The following PMS1 variants were observed in gnomAD, a reference collection of about 807,000 sequenced individuals.
PMS1 encodes the protein PMS1 homolog 1, mismatch repair system component, also known as PMS1 protein homolog 1.
Under a neutral mutation model 93.1 loss-of-function variants are expected in PMS1, and 79 were observed. The observed-to-expected ratio is 0.85, with a 90% CI of 0.71 to 1.02. The LOEUF (loss-of-function observed/expected upper bound fraction) is 1.02, where lower values mean the gene tolerates loss of function less well. PMS1 is among the 50% of genes least tolerant of loss of function. The pLI is 0.00. For missense variants in PMS1, 1,064 were observed against 1,085.3 expected, an observed-to-expected ratio of 0.98 and a Z score of 0.28; for synonymous variants, 335 against 363.4, an observed-to-expected ratio of 0.92 and a Z score of 0.89.
At position 189,799,795 on chromosome 2, in the gene PMS1, G is replaced by C. The variant is rs574930143; in HGVS notation, c.315+3844G>C. ...ACAGCTGCCTTACCCAAGTCATGCAGGGCAACCTGCATCCAATGAATCCAG... is the reference window on the plus strand; with the variant it reads ...ACAGCTGCCTTACCCAAGTCATGCACGGCAACCTGCATCCAATGAATCCAG... On this transcript the variant is annotated intron_variant, in intron 3 of 12. Transcript: ENST00000441310. Among the ~76,000 whole-genome samples, 11 of 152,294 alleles carry C rather than the reference G, an allele frequency of 7.2e-5. No individual in the cohort carries two copies. The South Asian group carries it at 2.3e-3, about 32-fold the overall frequency.
At chr2:189,809,712 G>T (rs571493585) in intron 4 of PMS1, among the ~76,000 whole-genome samples, 5 of 151,908 alleles carry the variant, frequency 3.3e-5, no homozygotes, top group Non-Finnish European at 7.4e-5. Flanking sequence ...AGGCATGGGG[G>T]CGGGCACCTG....
Position 189,812,472 on chromosome 2 carries a change from A to G in PMS1, c.419-5545A>G, listed in dbSNP as rs566557237. Among the ~76,000 whole-genome samples the G allele has an allele frequency of 2.4e-3, 362 of 152,358 alleles. 2 individuals carry two copies. The highest frequency in any genetic ancestry group is 0.01 in the Middle Eastern group (3 of 294). On this transcript the variant is annotated intron_variant, in intron 4 of 12. Coordinates refer to ENST00000441310, the MANE Select transcript of PMS1 (RefSeq NM_000534.5). ...TTTTAAGCTGAAGGAAAATGATTCT[A>G]CATGGCAACCTGAATCTGCAAGAAG...
At chr2:189,844,505 G>A (rs754755661) in intron 6 of PMS1, among the ~76,000 whole-genome samples, 3 of 151,902 alleles carry the variant, frequency 2.0e-5, no homozygotes, top group Non-Finnish European at 4.4e-5. Flanking sequence ...TTAGCCAGGT[G>A]TGGTGGCACA....
chr2:189,806,763 A>C (rs2050384095), intron 4 of PMS1: 1 of 199,222 alleles, frequency 5.0e-6, no homozygotes, highest in South Asian at 1.9e-4. Flanking sequence ...TTTAGGCTTC[A>C]GTTTCACATA....
At chr2:189,791,468 A>G (rs1356929044) in intron 1 of PMS1, among the ~76,000 whole-genome samples, 1 of 152,036 alleles carries the variant, frequency 6.6e-6, no homozygotes, top group East Asian at 1.9e-4. Flanking sequence ...AAAAATGTAA[A>G]AATTAGCCAG....
chr2:189,801,433 T>C (rs1204316980), intron 3 of PMS1, among the ~76,000 whole-genome samples: 1 of 152,216 alleles, frequency 6.6e-6, no homozygotes, highest in East Asian at 1.9e-4. Context: ...CTTGACCGTC[T>C]CATAAAAATT....
At chr2:189,800,085 T>C (rs1394238382) in intron 3 of PMS1, among the ~76,000 whole-genome samples, 2 of 152,194 alleles carry the variant, frequency 1.3e-5, no homozygotes, top group Admixed American at 1.3e-4. Flanking sequence ...ACTCAAGTAA[T>C]GTTCATTGTC....
intron 11 of PMS1, among the ~76,000 whole-genome samples, chr2:189,870,828 C>G (rs1391103130): frequency 6.6e-6 from 1 of 152,154 alleles, no homozygotes; most frequent in African/African-American, 2.4e-5. Flanking sequence ...CTACCACACA[C>G]AGTTTTGAGT....
chr2:189,803,998 C>T (rs1271651419), intron 3 of PMS1, among the ~76,000 whole-genome samples: 1 of 152,134 alleles, frequency 6.6e-6, no homozygotes, highest in Non-Finnish European at 1.5e-5. Context: ...AAAGGATGAG[C>T]AAATTAATAT....
chr2:189,857,034 A>G (rs1024571962), intron 9 of PMS1, among the ~76,000 whole-genome samples: 1 of 152,100 alleles, frequency 6.6e-6, no homozygotes, highest in African/African-American at 2.4e-5. Flanking sequence ...TTCTAATCAC[A>G]GTTCTTTGTT....
chr2:189,806,070 A>C (rs868403989), intron 4 of PMS1: 2 of 604,736 alleles, frequency 3.3e-6, no homozygotes, highest in Middle Eastern at 4.7e-4. Context: ...GAAGATTAAA[A>C]TTTTATTGAA....
Position 189,852,770 on chromosome 2 carries a change from T to C in PMS1, c.815T>C (p.Ile272Thr), listed in dbSNP as rs767306276. The C allele has an allele frequency of 1.3e-5, 20 of 1,584,452 alleles. No homozygotes were observed. In the South Asian group the frequency reaches 1.3e-4, roughly 11 times the overall value. Residue 272 changes from isoleucine to threonine, a missense_variant, in exon 7 of 13, where the codon ATC (isoleucine) becomes ACC (threonine). Ile to Thr is a moderately conservative substitution (Grantham distance 89). Transcript: ENST00000441310. ...AGTCGACCAGTACATCAAAAAGATA[T>C]CTTAAAGGTAGTATGCTTTAGAAAA... Reference protein sequence around the residue: ...INSRPVHQKDILKLIRHHYNL... With the variant: ...INSRPVHQKDTLKLIRHHYNL...
chr2:189,796,450 A>T (rs1463731527), intron 3 of PMS1, among the ~76,000 whole-genome samples: 4 of 152,198 alleles, frequency 2.6e-5, no homozygotes, highest in African/African-American at 9.6e-5. Context: ...CTACAGTCAC[A>T]TTGTCGTGTA....
In PMS1 at chr2:189,838,563, A is replaced by G. The variant is rs535900321; in HGVS notation, c.583-5401A>G. On this transcript the variant is annotated intron_variant, in intron 5 of 12. Coordinates refer to ENST00000441310, the MANE Select transcript of PMS1 (RefSeq NM_000534.5). ...TTCCCAGGTCAGAAATCTGGGAGGC[A>G]TTCTTGATTCTTCTCTTTTTATTCC... 9.9e-5 allele frequency among the ~76,000 whole-genome samples: 15 copies of G among 152,172 alleles called. 1 individual carries two copies. The highest frequency in any genetic ancestry group is 3.4e-3 in the Middle Eastern group (1 of 294).
intron 5 of PMS1, among the ~76,000 whole-genome samples, chr2:189,834,844 C>T (rs2053250294): frequency 6.6e-6 from 1 of 152,026 alleles, no homozygotes; most frequent in Non-Finnish European, 1.5e-5. Flanking sequence ...ATCCTCCTAC[C>T]TCAGCCTTCT....
rs567578399 is a variant in PMS1 at position 189,805,353 on chromosome 2, A to G, written c.316-299A>G. 3.3e-5 allele frequency among the ~76,000 whole-genome samples: 5 copies of G among 152,300 alleles called. No homozygotes were observed. In the South Asian group the frequency reaches 1.0e-3, roughly 32 times the overall value. On this transcript the variant is annotated intron_variant, in intron 3 of 12. Coordinates refer to ENST00000441310, the MANE Select transcript of PMS1 (RefSeq NM_000534.5). The stretch of plus-strand genomic sequence containing the variant: ...ACAGTTGAAGTACTTGCTTTTACAG[A>G]CATAAGTCATATAATGCATATAATA...
chr2:189,856,473 C>G (rs1027387377), intron 9 of PMS1, among the ~76,000 whole-genome samples: 11 of 151,966 alleles, frequency 7.2e-5, no homozygotes. Flanking sequence ...ACTCAGTGTT[C>G]AAATTTATAA....
chr2:189,799,287 T>G (rs1183651557), intron 3 of PMS1, among the ~76,000 whole-genome samples: 4 of 152,212 alleles, frequency 2.6e-5, no homozygotes, highest in Admixed American at 6.5e-5. Context: ...TGGAGTTTCC[T>G]TTCTTACAAG....
chr2:189,828,887 GAA>G (rs35103661), intron 5 of PMS1, among the ~76,000 whole-genome samples: 9 of 117,832 alleles, frequency 7.6e-5, no homozygotes, highest in Admixed American at 4.4e-4. Flanking sequence ...GTGTGTCTCT[GAA>G]AAAAAAAAAA....
Sources: allele counts gnomAD v4.1 joint callset (sites outside exome capture counted in the v4.1 genomes callset), GRCh38; gene constraint gnomAD v4.1.1; transcripts MANE v1.5; gene names NCBI Gene and HGNC (gene_info 2026-07-23, HGNC 2026-07-21).